The following MICAL3 variants were observed in gnomAD, a reference collection of about 807,000 sequenced individuals.
MICAL3 encodes the protein microtubule associated monooxygenase, calponin and LIM domain containing 3.
MICAL3 carries 62 observed loss-of-function variants against 207.4 expected under a neutral mutation model. The ratio of observed to expected loss-of-function variants is 0.30; its 90% CI spans 0.24 to 0.37. The LOEUF is 0.37. MICAL3 is among the 10% of genes least tolerant of loss of function. The pLI, the probability that MICAL3 is intolerant of heterozygous loss-of-function variation, is 1.00. For missense variants in MICAL3, 2,368 were observed against 2,635.6 expected, an observed-to-expected ratio of 0.90 and a Z score of 2.22; for synonymous variants, 1,077 against 1,069.3, an observed-to-expected ratio of 1.01 and a Z score of -0.14.
intron 22 of MICAL3, among the ~76,000 whole-genome samples, chr22:17,825,403 C>T (rs1204909305): frequency 2.0e-5 from 3 of 152,256 alleles, no homozygotes; most frequent in Admixed American, 6.5e-5. Context: ...TGATGAGCCA[C>T]GTGCTATGAA....
intron 29 of MICAL3, among the ~76,000 whole-genome samples, chr22:17,795,917 A>G (rs1422010809): frequency 6.7e-6 from 1 of 148,978 alleles, no homozygotes; most frequent in Admixed American, 6.7e-5. Flanking sequence ...GGGGGTTTAT[A>G]GTAAATGCTT....
At chr22:17,876,781 TTA>T (rs1928449565) in intron 16 of MICAL3, 2 of 131,172 alleles carry the variant, frequency 1.5e-5, no homozygotes, top group African/African-American at 6.5e-5. Flanking sequence ...GTTATGGAGG[TTA>T]GGGAGGTTAG....
intron 22 of MICAL3, among the ~76,000 whole-genome samples, chr22:17,826,149 TA>T (rs1240834214): frequency 6.6e-6 from 1 of 152,226 alleles, no homozygotes; most frequent in African/African-American, 2.4e-5. Flanking sequence ...CAACACATTT[TA>T]AAACTCTCAG....
chr22:18,010,897 T>C (rs1422201569), intron 1 of MICAL3, among the ~76,000 whole-genome samples: 1 of 151,908 alleles, frequency 6.6e-6, no homozygotes, highest in East Asian at 1.9e-4. Context: ...CCCCATACTT[T>C]TGTAATGGGG....
rs906747522 is a variant in MICAL3 at position 17,818,977 on chromosome 22, C to T, written c.3684G>A (p.Val1228=). The T allele has an allele frequency of 1.2e-6, 2 of 1,608,506 alleles. No homozygotes were observed. Among genetic ancestry groups the T allele is most frequent in the African/African-American group, 1.3e-5 (1 of 74,756 alleles). ...AVHSPIRSQP[V]TLPEARTPVS... The stretch of plus-strand genomic sequence containing the variant: ...CAGGAGTCCTAGCTTCTGGCAGGGT[C>T]ACTGGCTGTGATCGGATGGGAGAGT... Residue 1228 remains valine, a synonymous_variant, in exon 26 of 32, where the codon GTG becomes GTA. Coordinates refer to ENST00000441493, the MANE Select transcript of MICAL3 (RefSeq NM_015241.3).
chr22:18,016,651 T>C (rs1475658340), intron 1 of MICAL3, among the ~76,000 whole-genome samples: 1 of 152,140 alleles, frequency 6.6e-6, no homozygotes, highest in Non-Finnish European at 1.5e-5. Flanking sequence ...CTCTTTAAAA[T>C]GTTTCTAGGC....
chr22:17,864,136 TCCCAA>T, intron 19 of MICAL3: 1 of 987,436 alleles, frequency 1.0e-6, no homozygotes, highest in Admixed American at 6.0e-5. Context: ...ACATAATTCT[TCCCAA>T]CAGGCCTGGT....
At chr22:17,985,054 A>T (rs1257744308) in intron 1 of MICAL3, among the ~76,000 whole-genome samples, 1 of 152,222 alleles carries the variant, frequency 6.6e-6, no homozygotes, top group Non-Finnish European at 1.5e-5. Flanking sequence ...CTGACATTTT[A>T]AACTGGGAGG....
intron 1 of MICAL3, among the ~76,000 whole-genome samples, chr22:17,925,410 T>C (rs1371907829): frequency 6.6e-6 from 1 of 152,226 alleles, no homozygotes; most frequent in African/African-American, 2.4e-5. Context: ...CAGTGATTTT[T>C]AGTAAATCTG....
intron 30 of MICAL3, 47 bp from the exon 31 acceptor site, chr22:17,791,118 C>T: frequency 1.2e-6 from 2 of 1,603,842 alleles, no homozygotes; most frequent in Non-Finnish European, 1.7e-6. Flanking sequence ...GACTGGGGAC[C>T]ACCCCTCACC....
At chr22:17,916,106 C>A (rs1188954812) in intron 1 of MICAL3, among the ~76,000 whole-genome samples, 9 of 143,850 alleles carry the variant, frequency 6.3e-5, no homozygotes, top group South Asian at 2.3e-4. Context: ...AAAACAAAAA[C>A]CAAAAAACGA....
At chr22:17,883,663 C>CT (rs1348208925) in intron 16 of MICAL3, among the ~76,000 whole-genome samples, 5 of 152,202 alleles carry the variant, frequency 3.3e-5, no homozygotes, top group African/African-American at 1.2e-4. Context: ...CATGCCATCA[C>CT]CTGCCCTATT....
chr22:17,816,828 G>T (rs1487044190), intron 26 of MICAL3, 44 bp from the exon 27 acceptor site: 2 of 1,405,192 alleles, frequency 1.4e-6, no homozygotes, highest in South Asian at 1.2e-5. Flanking sequence ...CCAGACAGCA[G>T]GCGCAGCCCT....
In MICAL3 at chr22:17,821,911, C is replaced by T. The variant is rs909231438; in HGVS notation, c.3448+119G>A. On this transcript the variant is annotated intron_variant, in intron 24 of 31. Coordinates refer to ENST00000441493, the MANE Select transcript of MICAL3 (RefSeq NM_015241.3). ...AAAAGGCAAGGAGCTGCCCACACCTCGGAGGCTGGTGTGCACCATGGCTCT... is the reference window on the plus strand; with the variant it reads ...AAAAGGCAAGGAGCTGCCCACACCTTGGAGGCTGGTGTGCACCATGGCTCT... The T allele has an allele frequency of 9.3e-6, 12 of 1,284,234 alleles. No homozygotes were observed. The East Asian group carries it at 1.2e-4, about 12-fold the overall frequency. 79.6% of individuals were successfully genotyped at this position (1,284,234 alleles called of 1,614,324 possible).
At chr22:17,911,332 A>G (rs1347064934) in intron 1 of MICAL3, among the ~76,000 whole-genome samples, 2 of 125,000 alleles carry the variant, frequency 1.6e-5, no homozygotes, top group Non-Finnish European at 3.5e-5. Context: ...ATGTTTAAAA[A>G]TAGAAAAAAA....
chr22:17,858,414 T>G, intron 19 of MICAL3: 2 of 972,630 alleles, frequency 2.1e-6, no homozygotes, highest in Non-Finnish European at 2.4e-6. Context: ...GGCTGGTTTT[T>G]GAGTCTAAAG....
chr22:17,820,948 AAAC>A (rs2146017162), intron 25 of MICAL3, among the ~76,000 whole-genome samples: 1 of 142,388 alleles, frequency 7.0e-6, no homozygotes, highest in Non-Finnish European at 1.5e-5. Context: ...TTATGTTTAT[AAAC>A]ATAAATTTTA....
At chr22:17,917,409 C>T (rs144053244) in intron 1 of MICAL3, among the ~76,000 whole-genome samples, 2,683 of 152,266 alleles carry the variant, frequency 0.018, 40 homozygotes, top group Non-Finnish European at 0.025. Context: ...TCACATCCCA[C>T]GGTCCGTTCT....
chr22:17,813,892 G>A (rs2062075202), intron 27 of MICAL3: 1 of 152,234 alleles, frequency 6.6e-6, no homozygotes, highest in African/African-American at 2.4e-5. Flanking sequence ...AAAGTCAAAT[G>A]GGAGCAATTA....
Sources: gnomAD v4.1 joint callset for allele counts (sites outside exome capture counted in the v4.1 genomes callset) on GRCh38, gnomAD v4.1.1 for gene constraint, MANE v1.5 for transcripts, NCBI Gene and HGNC (gene_info 2026-07-23, HGNC 2026-07-21) for gene names.